The following SKAP1 variants were observed in gnomAD, a reference collection of about 807,000 sequenced individuals.
The protein encoded by SKAP1 is src kinase-associated phosphoprotein 1.
SKAP1 carries 44 observed loss-of-function variants against 58.5 expected under a neutral mutation model. The ratio of observed to expected loss-of-function variants is 0.75; its 90% CI spans 0.59 to 0.97. The LOEUF (loss-of-function observed/expected upper bound fraction) is 0.97. Ranked by LOEUF, SKAP1 falls within the 50% of genes least tolerant of loss-of-function variation. The probability of loss-of-function intolerance (pLI) is 0.00; values close to 1 mark genes in which losing one functional copy is unlikely to be tolerated. For synonymous variants in SKAP1, 127 were observed against 149.7 expected, an observed-to-expected ratio of 0.85 and a Z score of 1.11; for missense variants, 390 against 435.2, an observed-to-expected ratio of 0.90 and a Z score of 0.92.
chr17:48,310,119 T>C (rs1305178178), intron 4 of SKAP1, among the ~76,000 whole-genome samples: 1 of 152,246 alleles, frequency 6.6e-6, no homozygotes, highest in Non-Finnish European at 1.5e-5. Flanking sequence ...ACTTTCACTA[T>C]ATTCTTAGCA....
intron 9 of SKAP1, among the ~76,000 whole-genome samples, chr17:48,176,488 C>T (rs1462024114): frequency 2.6e-5 from 4 of 152,092 alleles, no homozygotes; most frequent in Non-Finnish European, 4.4e-5. Flanking sequence ...CTCAGAAAAG[C>T]CTCCATTTTC....
At chr17:48,246,399 G>A (rs894214258) in intron 4 of SKAP1, among the ~76,000 whole-genome samples, 1 of 152,038 alleles carries the variant, frequency 6.6e-6, no homozygotes, top group African/African-American at 2.4e-5. Context: ...GTATAGCCCC[G>A]TTGCCCTGGA....
chr17:48,361,667 T>C (rs1171570873), intron 3 of SKAP1, among the ~76,000 whole-genome samples: 1 of 152,184 alleles, frequency 6.6e-6, no homozygotes, highest in Non-Finnish European at 1.5e-5. Flanking sequence ...GTTAATAAAA[T>C]TCATCCCATC....
intron 1 of SKAP1, among the ~76,000 whole-genome samples, chr17:48,400,101 CTTTTTT>C (rs34859955): frequency 1.0e-3 from 142 of 138,144 alleles, no homozygotes; most frequent in African/African-American, 3.7e-3. Flanking sequence ...TTTTTCTTTT[CTTTTTT>C]TTTTTTTTTG....
At chr17:48,400,814 C>T (rs1029965718) in intron 1 of SKAP1, among the ~76,000 whole-genome samples, 42 of 151,684 alleles carry the variant, frequency 2.8e-4, no homozygotes, top group African/African-American at 9.2e-4. Context: ...TAAGCACTTA[C>T]GAATAAATAG....
At chr17:48,413,294 C>T (rs1025348158) in intron 1 of SKAP1, among the ~76,000 whole-genome samples, 1 of 151,226 alleles carries the variant, frequency 6.6e-6, no homozygotes, top group South Asian at 2.1e-4. Context: ...GTGGGTGGAT[C>T]TCCTGAGGTC....
chr17:48,440,319 A>G, the SKAP1 span, among the ~76,000 whole-genome samples: 1 of 152,204 alleles, frequency 6.6e-6, no homozygotes, highest in South Asian at 2.1e-4. Context: ...GGGCAGCTCT[A>G]CATATGGCAG....
chr17:48,380,654 C>T (rs2067203591), intron 2 of SKAP1, among the ~76,000 whole-genome samples: 1 of 151,992 alleles, frequency 6.6e-6, no homozygotes, highest in African/African-American at 2.4e-5. Context: ...TTGGAAAATA[C>T]GATAAAGGAA....
chr17:48,139,342 C>T (rs1002710966), intron 11 of SKAP1, among the ~76,000 whole-genome samples: 5 of 151,890 alleles, frequency 3.3e-5, no homozygotes, highest in African/African-American at 1.2e-4. Flanking sequence ...CCACCACGCC[C>T]AGCTAATTTT....
chr17:48,213,350 C>CAAAA (rs71366849), intron 4 of SKAP1, among the ~76,000 whole-genome samples: 5 of 100,988 alleles, frequency 5.0e-5, no homozygotes, highest in African/African-American at 8.5e-5. Context: ...AACTCTGTCT[C>CAAAA]AAAAAAAAAA....
chr17:48,250,820 A>G lies in SKAP1; in HGVS notation c.281-61320T>C, dbSNP rs77481787. 2.0e-5 allele frequency among the ~76,000 whole-genome samples: 3 copies of G among 152,288 alleles called. No individual in the cohort carries two copies. In the South Asian group the frequency reaches 6.2e-4, roughly 32 times the overall value. ...AGTAAAAAGTGGATTAAGAAATGTC[A>G]CCATAAAGCAAGCAAAGTCCTGAGG... On this transcript the variant is annotated intron_variant, in intron 4 of 12. Transcript: ENST00000336915.
chr17:48,325,313 C>T (rs896320779), intron 4 of SKAP1, among the ~76,000 whole-genome samples: 2 of 151,202 alleles, frequency 1.3e-5, no homozygotes, highest in South Asian at 4.2e-4. Flanking sequence ...AGAGGCTTTC[C>T]CTCATCTCCA....
At chr17:48,267,510 A>G (rs1048439735) in intron 4 of SKAP1, among the ~76,000 whole-genome samples, 3 of 152,198 alleles carry the variant, frequency 2.0e-5, no homozygotes, top group African/African-American at 7.2e-5. Context: ...GTACTAATAG[A>G]TACTCTATAC....
intron 4 of SKAP1, among the ~76,000 whole-genome samples, chr17:48,332,783 T>C (rs564482828): frequency 1.3e-5 from 2 of 152,346 alleles, no homozygotes; most frequent in South Asian, 4.1e-4. Context: ...AAATTCTTTA[T>C]TGGAATTTCA....
intron 3 of SKAP1, among the ~76,000 whole-genome samples, chr17:48,351,627 A>T (rs1246202063): frequency 6.6e-6 from 1 of 152,216 alleles, no homozygotes; most frequent in African/African-American, 2.4e-5. Context: ...ATGTACAAGA[A>T]GTAAATTGAA....
chr17:48,297,994 T>TAG (rs2066002887), intron 4 of SKAP1, among the ~76,000 whole-genome samples: 1 of 152,160 alleles, frequency 6.6e-6, no homozygotes, highest in Admixed American at 6.6e-5. Flanking sequence ...AAAGATCTCT[T>TAG]CTGTTTGCTG....
rs541622026 is a variant in SKAP1 at position 48,227,024 on chromosome 17, G to A, written c.281-37524C>T. Among the ~76,000 whole-genome samples, 7 of 152,054 alleles carry A rather than the reference G, an allele frequency of 4.6e-5. No homozygotes were observed. The South Asian group carries it at 1.5e-3, about 32-fold the overall frequency. ...TTCCTCTTGGCTTGACCTTAGCTTG[G>A]CTCTCTAGTTTTGGTTATTGAGCTT... On this transcript the variant is annotated intron_variant, in intron 4 of 12. Transcript: ENST00000336915.
chr17:48,153,727 G>A (rs115628287), intron 11 of SKAP1, among the ~76,000 whole-genome samples: 182 of 151,866 alleles, frequency 1.2e-3, no homozygotes, highest in African/African-American at 4.3e-3. Context: ...TGTTTGGGCA[G>A]CCTGTGCCCC....
In SKAP1 at chr17:48,363,795, G is replaced by C. The variant is rs368159992; in HGVS notation, c.172C>G (p.Pro58Ala). 1.2e-5 allele frequency: 20 copies of C among 1,605,952 alleles called. No homozygotes were observed. The Middle Eastern group carries it at 5.0e-4, about 40-fold the overall frequency. Residue 58 changes from proline to alanine, a missense_variant, in exon 3 of 13, where the codon CCC becomes GCC. By Grantham distance (27) the Pro-to-Ala change is conservative (BLOSUM62 -1). Transcript: ENST00000336915. ...IKARYYWDFQ[P>A]QGGDIGQDSS... ...GTGGTCAAAGAGGACTCACCTTGGG[G>C]CTGAAAATCCCAATAGTACCTGAAA...
Sources: gnomAD v4.1 joint callset for allele counts (sites outside exome capture counted in the v4.1 genomes callset) on GRCh38, gnomAD v4.1.1 for gene constraint, MANE v1.5 for transcripts, NCBI Gene and HGNC (gene_info 2026-07-23, HGNC 2026-07-21) for gene names.